Variants in FBXO36 observed in about 807,000 individuals in gnomAD.
The protein encoded by FBXO36 is F-box only protein 36.
A neutral mutation model predicts 17.0 loss-of-function variants in FBXO36; 18 were observed. That is an observed-to-expected ratio of 1.06 (90% CI 0.73 to 1.57). The LOEUF is 1.57. FBXO36 is among the 40% of genes most tolerant of loss of function. The pLI is 0.00. For missense variants in FBXO36, 229 were observed against 221.9 expected (o/e 1.03, Z -0.20); for synonymous variants, 83 against 85.3 (o/e 0.97, Z 0.15).
intron 1 of FBXO36, among the ~76,000 whole-genome samples, chr2:229,974,674 A>T (rs760198103): frequency 2.9e-4 from 44 of 152,040 alleles, no homozygotes; most frequent in Non-Finnish European, 6.3e-4. Context: ...TCAACCAAGG[A>T]TTTTGTTGCT....
At position 230,010,763 on chromosome 2, in the gene FBXO36, T is replaced by C. The variant is rs1431982848; in HGVS notation, c.446T>C (p.Val149Ala). ...QSTCDTITPD[V>A]RALAEDTGWR... The stretch of plus-strand genomic sequence containing the variant: ...ACCTGCGACACCATCACTCCTGACG[T>C]GAGGGCCCTGGCGGAGGACACAGGC... The change falls in exon 4 of 4, where the codon GTG becomes GCG. Residue 149 changes from valine to alanine, a missense_variant. By Grantham distance (64) the Val-to-Ala change is moderately conservative. Coordinates refer to ENST00000283946, the MANE Select transcript of FBXO36 (RefSeq NM_174899.5). The C allele has an allele frequency of 1.4e-5, 23 of 1,613,802 alleles. No individual in the cohort carries two copies. Among genetic ancestry groups the C allele is most frequent in the Non-Finnish European group, 1.9e-5 (23 of 1,179,834 alleles).
intron 2 of FBXO36, among the ~76,000 whole-genome samples, chr2:229,993,684 C>T (rs2077309910): frequency 6.6e-6 from 1 of 151,964 alleles, no homozygotes; most frequent in Non-Finnish European, 1.5e-5. Context: ...AGTATTTTTT[C>T]AAAATACTCT....
At chr2:229,984,913 A>G (rs1325021002) in intron 2 of FBXO36, among the ~76,000 whole-genome samples, 1 of 152,182 alleles carries the variant, frequency 6.6e-6, no homozygotes, top group Non-Finnish European at 1.5e-5. Flanking sequence ...TTACATGAGA[A>G]TGTCAGTAAT....
At chr2:229,990,815 G>A (rs1454558141) in intron 2 of FBXO36, among the ~76,000 whole-genome samples, 3 of 152,190 alleles carry the variant, frequency 2.0e-5, no homozygotes, top group Admixed American at 2.0e-4. Flanking sequence ...ATAATTCTTT[G>A]AGAGTTTATA....
chr2:229,981,342 A>G (rs1300979952), intron 2 of FBXO36, among the ~76,000 whole-genome samples: 1 of 152,098 alleles, frequency 6.6e-6, no homozygotes, highest in African/African-American at 2.4e-5. Context: ...AAAAAACTTT[A>G]ACAAAATGAA....
chr2:229,998,330 C>T (rs1404204789), intron 3 of FBXO36, among the ~76,000 whole-genome samples: 6 of 151,702 alleles, frequency 4.0e-5, no homozygotes, highest in Non-Finnish European at 8.8e-5. Flanking sequence ...AAAAAATTAG[C>T]TGAGTGTTAT....
intron 1 of FBXO36, among the ~76,000 whole-genome samples, chr2:229,974,980 C>T (rs2077199759): frequency 6.6e-6 from 1 of 152,114 alleles, no homozygotes; most frequent in African/African-American, 2.4e-5. Flanking sequence ...TTTCTCAAAT[C>T]GGTGGAAGTT....
chr2:229,926,317 G>C (rs2076911989), intron 1 of FBXO36, among the ~76,000 whole-genome samples: 1 of 151,558 alleles, frequency 6.6e-6, no homozygotes, highest in African/African-American at 2.4e-5. Context: ...TGTAGTCCTA[G>C]CTACTCGGGA....
intron 3 of FBXO36, among the ~76,000 whole-genome samples, 171 bp from the exon 4 acceptor site, chr2:230,010,525 T>C (rs1309145564): frequency 3.3e-5 from 5 of 152,212 alleles, no homozygotes; most frequent in Admixed American, 6.5e-5. Context: ...TTTAGATATA[T>C]GTGCACTTAC....
In FBXO36 at chr2:229,922,588, G is replaced by A; in HGVS notation, c.75G>A (p.Gln25=). 1 of 1,614,096 alleles carries A rather than the reference G, an allele frequency of 6.2e-7. No homozygotes were observed. The highest frequency in any genetic ancestry group is 8.5e-7 in the Non-Finnish European group (1 of 1,180,014). Residue 25 remains glutamine (Q), a synonymous_variant, in exon 1 of 4, where the codon CAG becomes CAA. Coordinates refer to ENST00000283946, the MANE Select transcript of FBXO36 (RefSeq NM_174899.5). ...CGCCGCCTAGCAAAGACTATTACCA[G>A]TTACTGGTCACCCGGTCTCAGGCAA... ...QGPPPSKDYY[Q]LLVTRSQVIF... is the part of the protein sequence containing the mutation.
intron 1 of FBXO36, among the ~76,000 whole-genome samples, chr2:229,941,454 C>CA (rs900428508): frequency 7.3e-5 from 11 of 149,900 alleles, no homozygotes; most frequent in Non-Finnish European, 1.0e-4. Context: ...GACTCCGTCT[C>CA]AAAAAAAACA....
intron 1 of FBXO36, among the ~76,000 whole-genome samples, chr2:229,927,777 C>T (rs1003176263): frequency 6.6e-6 from 1 of 150,684 alleles, no homozygotes; most frequent in Non-Finnish European, 1.5e-5. Flanking sequence ...TGAAAAAGCT[C>T]ACCCCTCTAA....
Position 229,967,619 on chromosome 2 carries a change from G to T in FBXO36, c.97-8622G>T, listed in dbSNP as rs902223505. ...TTGAATTTCATCAGAGGCCTTTTCTGCATCTATTGAGATAAACATGTGGTT... is the reference window on the plus strand; with the variant it reads ...TTGAATTTCATCAGAGGCCTTTTCTTCATCTATTGAGATAAACATGTGGTT... On this transcript the variant is annotated intron_variant, in intron 1 of 3. Coordinates refer to ENST00000283946, the MANE Select transcript of FBXO36 (RefSeq NM_174899.5). 1.3e-4 allele frequency among the ~76,000 whole-genome samples: 20 copies of T among 152,142 alleles called. 1 individual carries two copies. Among genetic ancestry groups the T allele is most frequent in the Non-Finnish European group, 2.1e-4 (14 of 68,040 alleles).
chr2:229,976,561 C>T (rs546216671), intron 2 of FBXO36: 212 of 410,694 alleles, frequency 5.2e-4, no homozygotes, highest in African/African-American at 4.1e-3. Context: ...TCGCTCATGC[C>T]TGTAATCCCA....
chr2:229,924,747 C>T (rs2076897169), intron 1 of FBXO36, among the ~76,000 whole-genome samples: 1 of 151,312 alleles, frequency 6.6e-6, no homozygotes, highest in Non-Finnish European at 1.5e-5. Context: ...CTAACTTAGG[C>T]GCATGCCTTC....
chr2:230,009,839 G>A (rs374419709), intron 3 of FBXO36, among the ~76,000 whole-genome samples: 1 of 152,146 alleles, frequency 6.6e-6, no homozygotes, highest in Non-Finnish European at 1.5e-5. Context: ...CTAGCTACTT[G>A]GAAGGCTGAA....
chr2:229,990,185 C>T (rs1459704814), intron 2 of FBXO36, among the ~76,000 whole-genome samples: 3 of 150,232 alleles, frequency 2.0e-5, no homozygotes, highest in Non-Finnish European at 4.4e-5. Context: ...AATAATAGTA[C>T]CCATCCAATA....
chr2:229,966,597 A>G (rs1395867182), intron 1 of FBXO36, among the ~76,000 whole-genome samples: 1 of 152,218 alleles, frequency 6.6e-6, no homozygotes, highest in African/African-American at 2.4e-5. Flanking sequence ...CTTTCTACAT[A>G]TGGCTAGCCA....
intron 1 of FBXO36, among the ~76,000 whole-genome samples, chr2:229,923,847 G>GTTTTTTTTTTTTT (rs71045800): frequency 5.1e-5 from 4 of 77,710 alleles, no homozygotes; most frequent in East Asian, 4.4e-4. Context: ...TTTTGGTGTT[G>GTTTTTTTTTTTTT]TTTTTTTTTT....
Sources: allele counts gnomAD v4.1 joint callset (sites outside exome capture counted in the v4.1 genomes callset), GRCh38; gene constraint gnomAD v4.1.1; transcripts MANE v1.5; gene names NCBI Gene and HGNC (gene_info 2026-07-23, HGNC 2026-07-21).